The following RBFOX1 variants were observed in gnomAD, a reference collection of about 807,000 sequenced individuals.
RBFOX1 encodes the protein RNA binding protein fox-1 homolog 1.
Under a neutral mutation model 57.7 loss-of-function variants are expected in RBFOX1, and 8 were observed. The ratio of observed to expected loss-of-function variants is 0.14; its 90% CI spans 0.08 to 0.25. The LOEUF is 0.25. RBFOX1 is among the 10% of genes least tolerant of loss of function. The probability of loss-of-function intolerance (pLI) is 1.00; values close to 1 mark genes in which losing one functional copy is unlikely to be tolerated. For synonymous variants in RBFOX1, 326 were observed against 222.4 expected (o/e 1.47, Z -4.15); for missense variants, 611 against 548.5 (o/e 1.11, Z -1.14).
intron 5 of RBFOX1, among the ~76,000 whole-genome samples, chr16:7,565,436 G>T (rs1383836167): frequency 2.0e-5 from 3 of 152,118 alleles, no homozygotes; most frequent in African/African-American, 7.2e-5. Context: ...ATTATTTTCT[G>T]AGCTTACAGT....
At chr16:7,521,582 G>T (rs1313742338) in intron 5 of RBFOX1, among the ~76,000 whole-genome samples, 1 of 152,210 alleles carries the variant, frequency 6.6e-6, no homozygotes, top group East Asian at 1.9e-4. Flanking sequence ...ACTGCAGCAA[G>T]ATAATCTGAT....
chr16:7,114,510 C>A (rs934667409), intron 4 of RBFOX1, among the ~76,000 whole-genome samples: 1 of 152,140 alleles, frequency 6.6e-6, no homozygotes, highest in African/African-American at 2.4e-5. Flanking sequence ...TGAAAATTAG[C>A]AGTGGAACAT....
At chr16:6,772,304 G>A (rs935830897) in intron 3 of RBFOX1, among the ~76,000 whole-genome samples, 1 of 152,172 alleles carries the variant, frequency 6.6e-6, no homozygotes, top group African/African-American at 2.4e-5. Context: ...CCCTAGTACA[G>A]AGGAAGGATC....
chr16:5,256,732 C>G (rs1294319914), intron 1 of RBFOX1, among the ~76,000 whole-genome samples: 1 of 151,926 alleles, frequency 6.6e-6, no homozygotes, highest in African/African-American at 2.4e-5. Flanking sequence ...GCCAGGAGTT[C>G]GATACCAGCC....
intron 1 of RBFOX1, among the ~76,000 whole-genome samples, chr16:5,312,283 C>G (rs186056403): frequency 6.6e-6 from 1 of 152,108 alleles, no homozygotes; most frequent in Non-Finnish European, 1.5e-5. Context: ...AAACTTAGGG[C>G]GGAATTTCTC....
At chr16:6,355,211 T>C (rs2087074363) in intron 2 of RBFOX1, among the ~76,000 whole-genome samples, 1 of 152,192 alleles carries the variant, frequency 6.6e-6, no homozygotes, top group Non-Finnish European at 1.5e-5. Context: ...GGTATACGTG[T>C]GCCATGGTGG....
chr16:7,461,175 AT>A (rs201758297), intron 4 of RBFOX1, among the ~76,000 whole-genome samples: 295 of 147,614 alleles, frequency 2.0e-3, no homozygotes, highest in African/African-American at 4.5e-3. Flanking sequence ...AGGCAAAACA[AT>A]TTTTTTTTTT....
intron 1 of RBFOX1, among the ~76,000 whole-genome samples, chr16:6,065,886 G>A (rs143944180): frequency 2.0e-5 from 3 of 152,270 alleles, no homozygotes; most frequent in African/African-American, 7.2e-5. Flanking sequence ...GAGGACTAGG[G>A]TTGTCCTCAT....
chr16:7,386,139 G>C (rs996105970), intron 4 of RBFOX1, among the ~76,000 whole-genome samples: 4 of 151,810 alleles, frequency 2.6e-5, no homozygotes, highest in Non-Finnish European at 2.9e-5. Flanking sequence ...AGGACTCTTG[G>C]GTTTGAGATC....
At chr16:6,815,535 C>G (rs1447588486) in intron 3 of RBFOX1, among the ~76,000 whole-genome samples, 2 of 152,178 alleles carry the variant, frequency 1.3e-5, no homozygotes, top group Admixed American at 6.5e-5. Flanking sequence ...TCCCCTACGC[C>G]AGACATTATG....
intron 4 of RBFOX1, among the ~76,000 whole-genome samples, chr16:7,297,116 C>T (rs886205244): frequency 6.6e-6 from 1 of 152,154 alleles, no homozygotes; most frequent in African/African-American, 2.4e-5. Flanking sequence ...GGAGAAGACA[C>T]TGTCTGTACC....
At chr16:5,858,955 C>G (rs1381490416) in intron 3 of RBFOX1, among the ~76,000 whole-genome samples, 2 of 152,212 alleles carry the variant, frequency 1.3e-5, no homozygotes, top group African/African-American at 2.4e-5. Context: ...TGGCTCACGC[C>G]TGTAATCCCA....
chr16:5,769,977 T>G (rs1044608080), intron 3 of RBFOX1, among the ~76,000 whole-genome samples: 3 of 152,130 alleles, frequency 2.0e-5, no homozygotes, highest in Admixed American at 6.5e-5. Flanking sequence ...AGACTTGTAC[T>G]CCTCTGGCTA....
At chr16:6,446,518 T>C (rs1005810787) in intron 2 of RBFOX1, among the ~76,000 whole-genome samples, 3 of 152,200 alleles carry the variant, frequency 2.0e-5, no homozygotes, top group Non-Finnish European at 4.4e-5. Context: ...ATTTACTCAA[T>C]ATATATGTAT....
intron 3 of RBFOX1, among the ~76,000 whole-genome samples, chr16:6,899,239 G>C (rs1255470254): frequency 6.6e-6 from 1 of 151,918 alleles, no homozygotes; most frequent in Non-Finnish European, 1.5e-5. Flanking sequence ...GCGTGTCCAT[G>C]TGTATGTTTG....
chr16:7,054,172 C>A (rs1216282452), intron 4 of RBFOX1, among the ~76,000 whole-genome samples: 1 of 121,480 alleles, frequency 8.2e-6, no homozygotes, highest in African/African-American at 3.3e-5. Flanking sequence ...CCTTCCATCA[C>A]CTCAAAAGAA....
chr16:7,047,991 G>C (rs1485926339), intron 3 of RBFOX1, among the ~76,000 whole-genome samples: 1 of 151,532 alleles, frequency 6.6e-6, no homozygotes, highest in Non-Finnish European at 1.5e-5. Context: ...CGATTCTCCT[G>C]TCTCAGCCGT....
intron 4 of RBFOX1, among the ~76,000 whole-genome samples, chr16:7,243,124 T>A (rs1328988322): frequency 6.6e-6 from 1 of 152,190 alleles, no homozygotes; most frequent in African/African-American, 2.4e-5. Flanking sequence ...AGAATACATT[T>A]GAATGTTTTC....
At chr16:6,227,761 G>A (rs1243701588) in intron 1 of RBFOX1, among the ~76,000 whole-genome samples, 1 of 152,100 alleles carries the variant, frequency 6.6e-6, no homozygotes, top group South Asian at 2.1e-4. Context: ...TGTGTTTTGC[G>A]ATAAAAAATG....
Sources: gnomAD v4.1 joint callset for allele counts (sites outside exome capture counted in the v4.1 genomes callset) on GRCh38, gnomAD v4.1.1 for gene constraint, MANE v1.5 for transcripts, NCBI Gene and HGNC (gene_info 2026-07-23, HGNC 2026-07-21) for gene names.